The following WDR3 variants were observed in gnomAD, a reference collection of about 807,000 sequenced individuals.
WDR3 encodes WD repeat-containing protein 3.
Under a neutral mutation model 123.7 loss-of-function variants are expected in WDR3, and 81 were observed. The ratio of observed to expected loss-of-function variants is 0.65; its 90% CI spans 0.55 to 0.79. WDR3 has a LOEUF of 0.79. WDR3 is among the 30% of genes least tolerant of loss of function. The pLI is 0.00. For synonymous variants in WDR3, 390 were observed against 388.8 expected (o/e 1.00, Z -0.04); for missense variants, 1,027 against 1,123.2 (o/e 0.91, Z 1.22).
Position 117,939,447 on chromosome 1 carries a change from G to A in WDR3, c.580-30G>A, listed in dbSNP as rs7524166. 7,779 of 1,549,156 alleles carry A rather than the reference G, an allele frequency of 5.0e-3. 275 individuals carry two copies. The African/African-American group carries it at 0.086, about 17-fold the overall frequency. On this transcript the variant is annotated intron_variant, in intron 5 of 26. Transcript: ENST00000349139. ...TGCTACCTGGAATCTCTTGAAAATC[G>A]TATTACTCAAATCTTTTTATATTCT...
At chr1:117,953,039 G>C in intron 20 of WDR3, 43 bp downstream of exon 20, 1 of 1,592,620 alleles carries the variant, frequency 6.3e-7, no homozygotes, top group South Asian at 1.1e-5. Flanking sequence ...CCCATATATA[G>C]TTATCTTATT....
rs1280060983 is a variant in WDR3 at position 117,950,061 on chromosome 1, C to A, written c.1677C>A (p.Pro559=). ...ATGTTCTGTGTGTCAGTTACTCTCC[C>A]AATCAAAAGCTATTGGCTGTGTCTT... The part of the protein sequence containing the change: ...DEDVLCVSYS[P]NQKLLAVSLL... The change falls in exon 15 of 27, where the codon CCC becomes CCA. Residue 559 remains proline (P), a synonymous_variant. Coordinates refer to ENST00000349139, the MANE Select transcript of WDR3 (RefSeq NM_006784.3). 1 of 1,613,784 alleles carries A rather than the reference C, an allele frequency of 6.2e-7. No individual in the cohort carries two copies. The highest frequency in any genetic ancestry group is 8.5e-7 in the Non-Finnish European group (1 of 1,179,928).
intron 8 of WDR3, 148 bp downstream of exon 8, chr1:117,941,373 T>C: frequency 1.4e-6 from 1 of 721,464 alleles, no homozygotes; most frequent in Non-Finnish European, 2.2e-6. Flanking sequence ...ATCTCTAGCT[T>C]TATTAGCATA....
At chr1:117,953,619 C>T in intron 21 of WDR3, 78 bp downstream of exon 21, 1 of 1,477,398 alleles carries the variant, frequency 6.8e-7, no homozygotes, top group South Asian at 1.2e-5. Flanking sequence ...TCTGTATCAA[C>T]CAGAAAGCCA....
At chr1:117,949,677 CT>C in intron 13 of WDR3, 73 bp from the exon 14 acceptor site, 6 of 1,507,732 alleles carry the variant, frequency 4.0e-6, no homozygotes, top group Non-Finnish European at 4.5e-6. Flanking sequence ...CTTTCTTAGA[CT>C]TTTAAAATGT....
intron 1 of WDR3, among the ~76,000 whole-genome samples, chr1:117,932,719 A>G (rs1650778011): frequency 6.6e-6 from 1 of 152,224 alleles, no homozygotes. Context: ...CATTGAGCCT[A>G]TAATGTCAGA....
In WDR3 at chr1:117,959,912, A is replaced by G. The variant is rs1652803000; in HGVS notation, c.*465A>G. ...CCTTTGGCCATAAAAATGCAGTGTC[A>G]TGGATCTTAGAGCTAAAAAGGACTG... On this transcript the variant is annotated 3_prime_UTR_variant, in exon 27 of 27. Coordinates refer to ENST00000349139, the MANE Select transcript of WDR3 (RefSeq NM_006784.3). The G allele has an allele frequency of 6.5e-6, 1 of 152,720 alleles. No homozygotes were observed. The highest frequency in any genetic ancestry group is 1.5e-5 in the Non-Finnish European group (1 of 68,442). The allele number at this position is 152,720 out of a possible 1,614,324, so 9.5% of individuals were successfully genotyped here. A position where few individuals can be genotyped will look rare whatever the true frequency, so the allele number is the denominator to read the frequency against.
chr1:117,943,172 C>G (rs1168113202), intron 10 of WDR3, among the ~76,000 whole-genome samples: 4 of 152,122 alleles, frequency 2.6e-5, no homozygotes, highest in Non-Finnish European at 5.9e-5. Context: ...AGGCTGGTCT[C>G]AAACTCCTGA....
At chr1:117,932,406 T>C (rs749824498) in intron 1 of WDR3, among the ~76,000 whole-genome samples, 4 of 152,222 alleles carry the variant, frequency 2.6e-5, no homozygotes, top group Admixed American at 1.3e-4. Context: ...CTCAGACTTA[T>C]GAAATCAGAA....
intron 20 of WDR3, 93 bp from the exon 21 acceptor site, chr1:117,953,383 A>C (rs1651726404): frequency 1.6e-6 from 2 of 1,217,402 alleles, no homozygotes; most frequent in South Asian, 2.6e-5. Context: ...ATAAAATAAT[A>C]ATAGCTGTTC....
intron 4 of WDR3, among the ~76,000 whole-genome samples, chr1:117,937,831 G>T (rs1052560590): frequency 6.6e-6 from 1 of 152,088 alleles, no homozygotes; most frequent in Non-Finnish European, 1.5e-5. Context: ...AGGGGGTTAA[G>T]AACAAATAAA....
intron 6 of WDR3, among the ~76,000 whole-genome samples, chr1:117,940,456 G>T (rs1411691546): frequency 6.6e-6 from 1 of 152,154 alleles, no homozygotes; most frequent in African/African-American, 2.4e-5. Flanking sequence ...AGGCACAGTG[G>T]TTCATGCCTA....
rs191541034 is a variant in WDR3 at position 117,931,257 on chromosome 1, A to C, written c.-33+1475A>C. Among the ~76,000 whole-genome samples the C allele has an allele frequency of 6.5e-3, 984 of 152,248 alleles. 23 individuals are homozygous for C. Among genetic ancestry groups the C allele is most frequent in the Non-Finnish European group, 9.1e-3 (619 of 68,022 alleles). On this transcript the variant is annotated intron_variant, in intron 1 of 26. Coordinates refer to ENST00000349139, the MANE Select transcript of WDR3 (RefSeq NM_006784.3). Reference sequence around the variant, plus strand: ...ATAATTTTTTTATGCTCATATTTACAATGTGCTAGAGGCTTTTCTAAGTGC... The same window carrying C: ...ATAATTTTTTTATGCTCATATTTACCATGTGCTAGAGGCTTTTCTAAGTGC...
At chr1:117,952,747 C>T in intron 19 of WDR3, 85 bp downstream of exon 19, 2 of 1,526,040 alleles carry the variant, frequency 1.3e-6, no homozygotes, top group Middle Eastern at 1.9e-4. Context: ...AGTGCAGTTA[C>T]ACCTGATGCA....
In WDR3 at chr1:117,941,149, G is replaced by A. The variant is rs1324623637; in HGVS notation, c.815G>A (p.Gly272Asp). 10 of 1,614,128 alleles carry A rather than the reference G, an allele frequency of 6.2e-6. No homozygotes were observed. In the South Asian group the frequency reaches 9.9e-5, roughly 16 times the overall value. ...EDRILSCRKA[G>D]SIMREGRDRV... ...CGAATCCTTTCATGCAGAAAAGCTG[G>A]TTCCATAATGCGGGAAGGAAGAGAC... Residue 272 changes from glycine (G) to aspartate (D), a missense_variant, in exon 8 of 27, where the codon GGT (glycine) becomes GAT (aspartate). By Grantham distance (94) the Gly-to-Asp change is moderately conservative. Coordinates refer to ENST00000349139, the MANE Select transcript of WDR3 (RefSeq NM_006784.3).
At chr1:117,938,600 A>C (rs1386516817) in intron 5 of WDR3, 42 bp downstream of exon 5, 2 of 1,555,236 alleles carry the variant, frequency 1.3e-6, no homozygotes, top group Non-Finnish European at 1.8e-6. Context: ...ATGGGAAGGC[A>C]AAAGGGAAAA....
intron 24 of WDR3, among the ~76,000 whole-genome samples, chr1:117,955,927 C>T (rs1652135092): frequency 6.6e-6 from 1 of 152,132 alleles, no homozygotes; most frequent in Admixed American, 6.5e-5. Flanking sequence ...GTCCTAGCAG[C>T]CTAATAACTG....
At chr1:117,937,489 G>C (rs1460218661) in intron 4 of WDR3, among the ~76,000 whole-genome samples, 3 of 152,186 alleles carry the variant, frequency 2.0e-5, no homozygotes, top group Non-Finnish European at 4.4e-5. Context: ...AAAGCTGTGA[G>C]CACTAAATGC....
chr1:117,951,277 T>TA (rs890011276), intron 16 of WDR3, among the ~76,000 whole-genome samples: 5 of 152,036 alleles, frequency 3.3e-5, no homozygotes, highest in Non-Finnish European at 5.9e-5. Flanking sequence ...TTTGGATAGT[T>TA]ACGGTATTTT....
Sources: gnomAD v4.1 joint callset for allele counts (sites outside exome capture counted in the v4.1 genomes callset) on GRCh38, gnomAD v4.1.1 for gene constraint, MANE v1.5 for transcripts, NCBI Gene and HGNC (gene_info 2026-07-23, HGNC 2026-07-21) for gene names.